GRAMD1C: variants seen among roughly 807,000 people sequenced by gnomAD.
GRAMD1C encodes the protein protein Aster-C.
A neutral mutation model predicts 97.8 loss-of-function variants in GRAMD1C; 89 were observed. The observed-to-expected ratio is 0.91, with a 90% CI of 0.77 to 1.09. GRAMD1C has a LOEUF of 1.09. Among genes scored for constraint, GRAMD1C ranks in the 50% least tolerant of loss-of-function variants. The pLI is 0.00. For missense variants in GRAMD1C, 740 were observed against 766.4 expected (o/e 0.97, Z 0.41); for synonymous variants, 256 against 267.0 (o/e 0.96, Z 0.40).
Position 113,844,581 on chromosome 3 carries a change from G to T in GRAMD1C, c.106G>T (p.Glu36Ter), listed in dbSNP as rs1241620504. 1.2e-6 allele frequency: 2 copies of T among 1,604,864 alleles called. No homozygotes were observed. Among genetic ancestry groups the T allele is most frequent in the African/African-American group, 1.3e-5 (1 of 74,630 alleles). The change falls in exon 2 of 18, where the codon GAG becomes TAG. Residue 36 changes from glutamate to a stop codon, truncating the protein, a stop_gained. Transcript: ENST00000358160. LOFTEE classifies it high-confidence loss of function. ...VEENPSPTVEENNVVVKKQGP... is the reference protein window; with the variant it reads ...VEENPSPTVE ...GGAAAATCCTAGTCCAACTGTGGAA[G>T]AGAATAATGTGGTAGTTAAAAAACA...
intron 9 of GRAMD1C, among the ~76,000 whole-genome samples, chr3:113,912,563 G>A (rs149140644): frequency 5.1e-4 from 77 of 151,976 alleles, no homozygotes; most frequent in African/African-American, 1.8e-3. Context: ...GGCAAGACTT[G>A]TCTCTACAAA....
At chr3:113,907,497 A>G (rs1260132144) in intron 8 of GRAMD1C, among the ~76,000 whole-genome samples, 7 of 152,188 alleles carry the variant, frequency 4.6e-5, no homozygotes, top group Non-Finnish European at 1.0e-4. Flanking sequence ...TACAAGCAGT[A>G]TAGAAGTTTA....
At chr3:113,835,020 TG>T (rs1294770131), upstream of GRAMD1C, among the ~76,000 whole-genome samples, 1 of 152,134 alleles carries the variant, frequency 6.6e-6, no homozygotes, top group Non-Finnish European at 1.5e-5. Flanking sequence ...AACTTGACTA[TG>T]GTTTTTCCAT....
At chr3:113,857,583 A>G (rs1054053731) in intron 2 of GRAMD1C, among the ~76,000 whole-genome samples, 5 of 152,026 alleles carry the variant, frequency 3.3e-5, no homozygotes, top group Non-Finnish European at 5.9e-5. Flanking sequence ...TCACCGTGTT[A>G]GCCAGGATGG....
chr3:113,834,532 C>T (rs892527334), upstream of GRAMD1C, among the ~76,000 whole-genome samples: 8 of 152,060 alleles, frequency 5.3e-5, no homozygotes, highest in Admixed American at 4.6e-4. Context: ...CAGCAGAATG[C>T]GTTTTCAAAT....
At chr3:113,887,085 G>GTTTTTTTGTT (rs1935524750) in intron 6 of GRAMD1C, among the ~76,000 whole-genome samples, 1 of 71,456 alleles carries the variant, frequency 1.4e-5, no homozygotes, top group Non-Finnish European at 2.9e-5. Context: ...TGGCCTTTTT[G>GTTTTTTTGTT]TTTTTTTTTT....
At chr3:113,871,802 A>G (rs1317765729) in intron 3 of GRAMD1C, among the ~76,000 whole-genome samples, 1 of 148,440 alleles carries the variant, frequency 6.7e-6, no homozygotes, top group Non-Finnish European at 1.5e-5. Context: ...TCAGATGGAC[A>G]TGGTGGCATG....
At chr3:113,850,588 T>C in intron 2 of GRAMD1C, 1 of 1,607,382 alleles carries the variant, frequency 6.2e-7, no homozygotes, top group Middle Eastern at 2.0e-4. Flanking sequence ...AGAGACTGCA[T>C]GGCCTTCATG....
chr3:113,887,546 A>G (rs1935554169), intron 6 of GRAMD1C, among the ~76,000 whole-genome samples: 1 of 151,812 alleles, frequency 6.6e-6, no homozygotes, highest in South Asian at 2.1e-4. Context: ...TAAAAATACA[A>G]AAAATTAGCC....
At chr3:113,933,231 T>A (rs1394638491) in intron 11 of GRAMD1C, among the ~76,000 whole-genome samples, 2 of 151,956 alleles carry the variant, frequency 1.3e-5, no homozygotes, top group African/African-American at 4.8e-5. Context: ...TGGGTGTTTT[T>A]ATATTGGCCA....
chr3:113,904,044 A>T lies in GRAMD1C; in HGVS notation c.657-96A>T, dbSNP rs531928756. ...ATTACAGTAGTCCATTTATTATCAA[A>T]CTGTTTTATCATAGGAAATGACCTC... is the stretch of plus-strand genomic sequence containing the variant. On this transcript the variant is annotated intron_variant, in intron 7 of 17. Coordinates refer to ENST00000358160, the MANE Select transcript of GRAMD1C (RefSeq NM_017577.5). 3 of 818,710 alleles carry T rather than the reference A, an allele frequency of 3.7e-6. No individual in the cohort carries two copies. The South Asian group carries it at 5.7e-5, about 15-fold the overall frequency. 50.7% of individuals were successfully genotyped at this position (818,710 alleles called of 1,614,324 possible).
At chr3:113,942,572 G>A (rs1050867284) in intron 17 of GRAMD1C, among the ~76,000 whole-genome samples, 1 of 152,126 alleles carries the variant, frequency 6.6e-6, no homozygotes, top group Non-Finnish European at 1.5e-5. Flanking sequence ...TGGCTGCAGC[G>A]TTTTAGGAGC....
chr3:113,888,389 A>G (rs571158021), intron 6 of GRAMD1C, among the ~76,000 whole-genome samples: 17 of 152,342 alleles, frequency 1.1e-4, no homozygotes, highest in Admixed American at 3.3e-4. Context: ...TTTATGCAAG[A>G]TGAATGAGTA....
At chr3:113,859,351 T>TA (rs1333845774) in intron 2 of GRAMD1C, among the ~76,000 whole-genome samples, 1 of 152,202 alleles carries the variant, frequency 6.6e-6, no homozygotes, top group African/African-American at 2.4e-5. Flanking sequence ...AGATGGATTA[T>TA]CTAGAAGTGT....
At chr3:113,870,236 G>C (rs1378222915) in intron 3 of GRAMD1C, among the ~76,000 whole-genome samples, 1 of 151,938 alleles carries the variant, frequency 6.6e-6, no homozygotes. Flanking sequence ...GGTGGTATGT[G>C]CCTGCAGTCC....
intron 3 of GRAMD1C, among the ~76,000 whole-genome samples, chr3:113,874,080 A>G (rs1934934835): frequency 6.6e-6 from 1 of 152,272 alleles, no homozygotes; most frequent in East Asian, 1.9e-4. Context: ...ACTTTGCTCA[A>G]TTTTTAGTAT....
Position 113,859,687 on chromosome 3 carries a change from G to T in GRAMD1C, c.175-9820G>T, listed in dbSNP as rs553831339. Among the ~76,000 whole-genome samples the T allele has an allele frequency of 2.6e-4, 39 of 152,228 alleles. No homozygotes were observed. The South Asian group carries it at 7.0e-3, about 27-fold the overall frequency. On this transcript the variant is annotated intron_variant, in intron 2 of 17. Coordinates refer to ENST00000358160, the MANE Select transcript of GRAMD1C (RefSeq NM_017577.5). ...TAGACCTATGACAAGGAAAGAGATT[G>T]AATTAGTGAAAAAACAAAAACCAAA...
Position 113,886,688 on chromosome 3 carries a change from A to G in GRAMD1C, c.540+3856A>G, listed in dbSNP as rs1935495286. ...GCAAAGCAAGAAGAAGCAAGGAAAT[A>G]ATAAAGATTATAACAGAAATGAATG... On this transcript the variant is annotated intron_variant, in intron 6 of 17. Transcript: ENST00000358160. Among the ~76,000 whole-genome samples the G allele has an allele frequency of 3.3e-5, 5 of 152,184 alleles. No homozygotes were observed. In the South Asian group the frequency reaches 1.0e-3, roughly 31 times the overall value.
At chr3:113,944,331 G>A (rs967051999) in intron 17 of GRAMD1C, among the ~76,000 whole-genome samples, 7 of 152,168 alleles carry the variant, frequency 4.6e-5, no homozygotes, top group Non-Finnish European at 1.5e-5. Context: ...CAGAGGCCAC[G>A]TCTCTTCATG....
Sources: gnomAD v4.1 joint callset for allele counts (sites outside exome capture counted in the v4.1 genomes callset) on GRCh38, gnomAD v4.1.1 for gene constraint, MANE v1.5 for transcripts, NCBI Gene and HGNC (gene_info 2026-07-23, HGNC 2026-07-21) for gene names.